DAB1: variants seen among roughly 807,000 people sequenced by gnomAD.
The protein encoded by DAB1 is DAB adaptor protein 1.
DAB1 carries 15 observed loss-of-function variants against 64.6 expected under a neutral mutation model. The ratio of observed to expected loss-of-function variants is 0.23; its 90% CI spans 0.16 to 0.36. The LOEUF is 0.36. Ranked by LOEUF, DAB1 falls within the 10% of genes least tolerant of loss-of-function variation. The pLI is 1.00. For missense variants in DAB1, 596 were observed against 706.7 expected, an observed-to-expected ratio of 0.84 and a Z score of 1.78; for synonymous variants, 235 against 251.9, an observed-to-expected ratio of 0.93 and a Z score of 0.64.
chr1:58,103,091 T>C (rs1252182619), intron 5 of DAB1, among the ~76,000 whole-genome samples: 1 of 152,176 alleles, frequency 6.6e-6, no homozygotes, highest in African/African-American at 2.4e-5. Context: ...CAGGGATGCA[T>C]GTACCAAGCT....
intron 3 of DAB1, among the ~76,000 whole-genome samples, chr1:58,404,822 A>C (rs1175896638): frequency 6.6e-6 from 1 of 152,162 alleles, no homozygotes; most frequent in Non-Finnish European, 1.5e-5. Context: ...AGTGCCCAGG[A>C]AACAGTCATG....
rs977907637 is a variant in DAB1, at chr1:57,728,611, A to G, written n.552-78946T>C. 4.0e-5 allele frequency among the ~76,000 whole-genome samples: 6 copies of G among 151,546 alleles called. No homozygotes were observed. The East Asian group carries it at 5.9e-4, about 15-fold the overall frequency. ...TCCGTCTCAAAAAAAAACAACAACA[A>G]AAAAAAACCACCCCCTGAGATGTGA... On this transcript the variant is annotated intron_variant and non_coding_transcript_variant, in intron 6 of 20. Transcript: ENST00000485760.
intron 7 of DAB1, among the ~76,000 whole-genome samples, chr1:57,508,898 C>T (rs553849963): frequency 6.6e-6 from 1 of 151,498 alleles, no homozygotes; most frequent in Non-Finnish European, 1.5e-5. Context: ...TTTATATATA[C>T]TTATAAAACA....
At chr1:57,901,108 C>T (rs1332917864) in intron 5 of DAB1, among the ~76,000 whole-genome samples, 1 of 152,168 alleles carries the variant, frequency 6.6e-6, no homozygotes, top group Admixed American at 6.5e-5. Flanking sequence ...CAAAGGCTTA[C>T]AGAAGGTAAG....
At chr1:58,065,005 C>T (rs1210178459) in intron 5 of DAB1, among the ~76,000 whole-genome samples, 1 of 152,166 alleles carries the variant, frequency 6.6e-6, no homozygotes, top group Admixed American at 6.5e-5. Flanking sequence ...CCACCGCGCC[C>T]GGCCAACAAT....
intron 6 of DAB1, among the ~76,000 whole-genome samples, chr1:57,694,656 T>C (rs1297183595): frequency 1.3e-5 from 2 of 152,188 alleles, no homozygotes; most frequent in South Asian, 2.1e-4. Context: ...TTTTTAATGA[T>C]GTATGTGTAT....
chr1:58,019,318 T>C (rs1646784704), intron 5 of DAB1, among the ~76,000 whole-genome samples: 1 of 152,182 alleles, frequency 6.6e-6, no homozygotes, highest in African/African-American at 2.4e-5. Flanking sequence ...AGCTATAACA[T>C]TAGGTATTAA....
chr1:57,919,986 TTA>T (rs1308943065), intron 5 of DAB1, among the ~76,000 whole-genome samples: 3 of 152,182 alleles, frequency 2.0e-5, no homozygotes, highest in African/African-American at 7.2e-5. Flanking sequence ...TAATCTGGAT[TTA>T]TAGAGTTTAT....
chr1:57,868,208 A>G (rs933679603), intron 1 of DAB1, among the ~76,000 whole-genome samples: 1 of 152,170 alleles, frequency 6.6e-6, no homozygotes, highest in African/African-American at 2.4e-5. Flanking sequence ...AATAAGGAAG[A>G]AGCCATCTGA....
At chr1:58,464,885 C>T (rs1645279294) in intron 3 of DAB1, among the ~76,000 whole-genome samples, 1 of 152,128 alleles carries the variant, frequency 6.6e-6, no homozygotes, top group South Asian at 2.1e-4. Context: ...ATCCAAACAC[C>T]AGGCTTCCTC....
chr1:57,047,431 T>C (rs1279685540), intron 9 of DAB1, among the ~76,000 whole-genome samples: 1 of 151,918 alleles, frequency 6.6e-6, no homozygotes, highest in Non-Finnish European at 1.5e-5. Flanking sequence ...AGGTAAAGGG[T>C]GGTATCCTCA....
At chr1:57,487,058 GC>G (rs1644101879) in intron 7 of DAB1, among the ~76,000 whole-genome samples, 1 of 152,112 alleles carries the variant, frequency 6.6e-6, no homozygotes, top group South Asian at 2.1e-4. Context: ...AAGGCTCCAA[GC>G]AATCAAACAC....
At position 57,667,170 on chromosome 1, in the gene DAB1, C is replaced by T. The variant is rs1646458482; in HGVS notation, n.552-17505G>A. ...TCTTCCAGATAGTGTGTGGCTTGCT[C>T]CCTCACTGTGTTGAAATCTTTGCTA... On this transcript the variant is annotated intron_variant and non_coding_transcript_variant, in intron 6 of 20. Coordinates refer to the DAB1 transcript ENST00000485760. 2.0e-5 allele frequency among the ~76,000 whole-genome samples: 3 copies of T among 152,160 alleles called. No homozygotes were observed. In the South Asian group the frequency reaches 6.2e-4, roughly 32 times the overall value.
chr1:57,314,832 C>T (rs901670296), intron 1 of DAB1, among the ~76,000 whole-genome samples: 2 of 151,584 alleles, frequency 1.3e-5, no homozygotes, highest in Admixed American at 1.3e-4. Flanking sequence ...TGAACAGGTA[C>T]ACAGACGGGA....
At chr1:57,543,571 T>C (rs1432222464) in intron 7 of DAB1, among the ~76,000 whole-genome samples, 1 of 152,096 alleles carries the variant, frequency 6.6e-6, no homozygotes. Flanking sequence ...GCTGATAATG[T>C]AAAATAGAGT....
At chr1:57,441,366 C>CT (rs1246914096) in intron 7 of DAB1, among the ~76,000 whole-genome samples, 28 of 135,956 alleles carry the variant, frequency 2.1e-4, no homozygotes, top group African/African-American at 5.8e-4. Flanking sequence ...TTTCTTCTTT[C>CT]TTTTTTTTTG....
intron 1 of DAB1, among the ~76,000 whole-genome samples, chr1:57,328,624 G>GTTTAT (rs1676385301): frequency 6.6e-6 from 1 of 152,198 alleles, no homozygotes; most frequent in African/African-American, 2.4e-5. Flanking sequence ...CCTGCATAAA[G>GTTTAT]TTTAAGTGAT....
chr1:58,091,761 G>T (rs1254974893), intron 5 of DAB1, among the ~76,000 whole-genome samples: 1 of 151,972 alleles, frequency 6.6e-6, no homozygotes, highest in African/African-American at 2.4e-5. Flanking sequence ...TCTCTGTCTG[G>T]GATTTTCACC....
chr1:57,076,461 C>A (rs541664644), intron 4 of DAB1, among the ~76,000 whole-genome samples: 2 of 152,336 alleles, frequency 1.3e-5, no homozygotes, highest in African/African-American at 4.8e-5. Context: ...ATCCTGAACT[C>A]TTCTTTGCAT....
Sources: gnomAD v4.1 joint callset for allele counts (sites outside exome capture counted in the v4.1 genomes callset) on GRCh38, gnomAD v4.1.1 for gene constraint, MANE v1.5 for transcripts, NCBI Gene and HGNC (gene_info 2026-07-23, HGNC 2026-07-21) for gene names.